The following WDR91 variants were observed in gnomAD, a reference collection of about 807,000 sequenced individuals.
The protein encoded by WDR91 is WD repeat-containing protein 91.
In WDR91, 52 loss-of-function variants were observed where a neutral mutation model predicts 88.4. The ratio of observed to expected loss-of-function variants is 0.59; its 90% confidence interval spans 0.47 to 0.74. The LOEUF is 0.74. Ranked by LOEUF, WDR91 falls within the 30% of genes least tolerant of loss-of-function variation. WDR91 has a pLI of 0.00. For missense variants in WDR91, 824 were observed against 954.5 expected, an observed-to-expected ratio of 0.86 and a Z score of 1.80; for synonymous variants, 362 against 389.5, an observed-to-expected ratio of 0.93 and a Z score of 0.83.
chr7:135,198,224 C>A, intron 6 of WDR91, 73 bp from the exon 7 acceptor site: 1 of 1,528,898 alleles, frequency 6.5e-7, no homozygotes, highest in South Asian at 1.2e-5. Flanking sequence ...CAGGAGTGGT[C>A]AGCCCTGGGC....
intron 1 of WDR91, among the ~76,000 whole-genome samples, chr7:135,210,543 T>C (rs916538181): frequency 6.6e-6 from 1 of 152,082 alleles, no homozygotes; most frequent in African/African-American, 2.4e-5. Context: ...CTGCTCAGAG[T>C]GTCAGCCAAG....
intron 5 of WDR91, among the ~76,000 whole-genome samples, chr7:135,205,149 C>T (rs1831718011): frequency 6.6e-6 from 1 of 152,142 alleles, no homozygotes; most frequent in South Asian, 2.1e-4. Context: ...TCTGCTTTAA[C>T]TGGCTGTTTC....
At chr7:135,193,131 G>C in intron 11 of WDR91, 100 bp downstream of exon 11, 2 of 1,490,688 alleles carry the variant, frequency 1.3e-6, no homozygotes, top group Non-Finnish European at 1.8e-6. Flanking sequence ...TTAAAAATCT[G>C]AGGAGACCAA....
At chr7:135,188,196 T>C (rs1831024889) in intron 13 of WDR91, among the ~76,000 whole-genome samples, 1 of 152,130 alleles carries the variant, frequency 6.6e-6, no homozygotes, top group Non-Finnish European at 1.5e-5. Context: ...CAGATACATC[T>C]ATGGTAAGAT....
At chr7:135,203,225 C>A (rs924507306) in intron 6 of WDR91, among the ~76,000 whole-genome samples, 8 of 152,210 alleles carry the variant, frequency 5.3e-5, no homozygotes, top group Admixed American at 2.0e-4. Context: ...CAATACTCAG[C>A]CCAAGTGCTG....
At position 135,207,166 on chromosome 7, in the gene WDR91, T is replaced by C; in HGVS notation, c.548A>G (p.Gln183Arg). ...TTCTTCTTGAACCTGGTTAGTCCTC[T>C]GACACTCCGCATCAAAGTTCAGGAT... ...PVILNFDAEC[Q>R]RTNQVQEENE... is the part of the protein sequence containing the mutation. The change falls in exon 4 of 15, where the codon CAG becomes CGG. Residue 183 changes from glutamine to arginine, a missense_variant. Physicochemically the swap from Gln to Arg is conservative, Grantham distance 43. Coordinates refer to ENST00000354475, the MANE Select transcript of WDR91 (RefSeq NM_014149.4). The C allele has an allele frequency of 2.5e-6, 4 of 1,608,376 alleles. No individual in the cohort carries two copies. Among genetic ancestry groups the C allele is most frequent in the Non-Finnish European group, 3.4e-6 (4 of 1,176,006 alleles).
At chr7:135,195,755 T>A (rs112951648) in intron 8 of WDR91, among the ~76,000 whole-genome samples, 11 of 152,272 alleles carry the variant, frequency 7.2e-5, no homozygotes, top group African/African-American at 2.6e-4. Flanking sequence ...AAGACCAGCC[T>A]GGCCAACATG....
chr7:135,193,636 A>G lies in WDR91; in HGVS notation c.1432T>C (p.Tyr478His). 1.9e-6 allele frequency: 3 copies of G among 1,614,166 alleles called. No homozygotes were observed. The highest frequency in any genetic ancestry group is 2.5e-6 in the Non-Finnish European group (3 of 1,180,020). ...AGATTCTTCTTGGCTTCCGTGTCAT[A>G]GAGACGCACTGTTCCCACACCACTG... is the stretch of plus-strand genomic sequence containing the variant. ...LGSGVGTVRL[Y>H]DTEAKKNLCE... Residue 478 changes from tyrosine (Y) to histidine (H), a missense_variant, in exon 10 of 15, where the codon TAT becomes CAT. Coordinates refer to ENST00000354475, the MANE Select transcript of WDR91 (RefSeq NM_014149.4).
chr7:135,188,893 A>G (rs567754122), intron 12 of WDR91, among the ~76,000 whole-genome samples: 92 of 152,352 alleles, frequency 6.0e-4, no homozygotes, highest in African/African-American at 2.2e-3. Context: ...GCCTTGCCCC[A>G]GCCCAGGCTC....
Position 135,205,965 on chromosome 7 carries a change from A to T in WDR91, c.688T>A (p.Tyr230Asn). The change falls in exon 5 of 15, where the codon TAT becomes AAT. Residue 230 changes from tyrosine to asparagine, a missense_variant. Transcript: ENST00000354475. ...CCCAGGCGGTCCATGTTGGAGACAT[A>T]AGGAGGCAATTTGTGTTGGACCAAG... is the stretch of plus-strand genomic sequence containing the variant. ...EALVQHKLPP[Y>N]VSNMDRLGDS... 1.2e-6 allele frequency: 2 copies of T among 1,614,094 alleles called. No homozygotes were observed. Among genetic ancestry groups the T allele is most frequent in the Non-Finnish European group, 1.7e-6 (2 of 1,180,036 alleles).
intron 11 of WDR91, 91 bp from the exon 12 acceptor site, chr7:135,189,543 G>T: frequency 9.9e-7 from 1 of 1,008,756 alleles, no homozygotes; most frequent in Non-Finnish European, 1.5e-6. Context: ...CCCAGACTGG[G>T]TTTTCCACCA....
Position 135,194,967 on chromosome 7 carries a change from C to T in WDR91, c.1362G>A (p.Leu454=). 1 of 1,614,190 alleles carries T rather than the reference C, an allele frequency of 6.2e-7. No homozygotes were observed. The change falls in exon 9 of 15, where the codon CTG becomes CTA. Residue 454 remains leucine (L), a synonymous_variant. Transcript: ENST00000354475. ...CCCGTTTGGTGGCCCATTCCAAAGACAGCAGCGGTGATTTGGAAATGGAGG... is the reference window on the plus strand; with the variant it reads ...CCCGTTTGGTGGCCCATTCCAAAGATAGCAGCGGTGATTTGGAAATGGAGG... ...KASSISKSPL[L]SLEWATKRDR...
chr7:135,196,194 C>T lies in WDR91; in HGVS notation c.1194G>A (p.Val398=). The T allele has an allele frequency of 6.2e-7, 1 of 1,604,352 alleles. No individual in the cohort carries two copies. Among genetic ancestry groups the T allele is most frequent in the Non-Finnish European group, 8.5e-7 (1 of 1,174,844 alleles). The change falls in exon 8 of 15, where the codon GTG becomes GTA. Residue 398 remains valine, a synonymous_variant. Transcript: ENST00000354475. The surrounding 1 kb of genome is among the most constrained non-coding windows in gnomAD (Gnocchi z 4.2). The stretch of plus-strand genomic sequence containing the variant: ...GTTCCCCGTACTCCTCCTGTCCCAG[C>T]ACAATAAAGGGCTGCTCGGGGCGGA... ...GGVRPEQPFI[V]LGQEEYGEHH... is the part of the protein sequence containing the mutation.
Position 135,186,117 on chromosome 7 carries a change from T to A in WDR91, c.*34A>T, listed in dbSNP as rs969272763. ...TATCTCCTCCCCCCACCGCAGATAA[T>A]ACTGCTTCCTCGGGTGGCCCTTGGG... On this transcript the variant is annotated 3_prime_UTR_variant, in exon 15 of 15. Transcript: ENST00000354475. 6.4e-7 allele frequency: 1 copy of A among 1,566,470 alleles called. No homozygotes were observed. The highest frequency in any genetic ancestry group is 1.4e-5 in the African/African-American group (1 of 72,044).
chr7:135,211,355 C>A, intron 1 of WDR91, 25 bp downstream of exon 1: 2 of 1,597,392 alleles, frequency 1.3e-6, no homozygotes, highest in Non-Finnish European at 1.7e-6. Flanking sequence ...CGCCTCTGCC[C>A]GCGCCGCTCC....
Position 135,207,187 on chromosome 7 carries a change from A to G in WDR91, c.527T>C (p.Leu176Pro). 1 of 1,605,708 alleles carries G rather than the reference A, an allele frequency of 6.2e-7. No individual in the cohort carries two copies. The highest frequency in any genetic ancestry group is 8.5e-7 in the Non-Finnish European group (1 of 1,174,118). The change falls in exon 4 of 15, where the codon CTG (leucine) becomes CCG (proline). Residue 176 changes from leucine to proline, a missense_variant. Physicochemically the swap from Leu to Pro is moderately conservative, Grantham distance 98. Transcript: ENST00000354475. ...CCTCTGACACTCCGCATCAAAGTTC[A>G]GGATCACAGGGACTGGTGCACGAAG... ...LFQCMPVPVI[L>P]NFDAECQRTN...
chr7:135,208,568 G>A (rs779661546), intron 3 of WDR91, among the ~76,000 whole-genome samples: 4 of 152,152 alleles, frequency 2.6e-5, no homozygotes, highest in African/African-American at 7.2e-5. Flanking sequence ...CTGCCCACAC[G>A]TCAGCTAATA....
Position 135,185,357 on chromosome 7 carries a change from A to G in WDR91, c.*794T>C, listed in dbSNP as rs1830897625. 1 of 152,364 alleles carries G rather than the reference A, an allele frequency of 6.6e-6. No individual in the cohort carries two copies. Among genetic ancestry groups the G allele is most frequent in the Admixed American group, 6.5e-5 (1 of 15,308 alleles). The allele number at this position is 152,364 out of a possible 1,614,324, so 9.4% of individuals were successfully genotyped here. ...GACATGAGACCTACCAAGATACCTC[A>G]TTATGTATATATGCAAATATTCCAA... On this transcript the variant is annotated 3_prime_UTR_variant, in exon 15 of 15. Transcript: ENST00000354475.
chr7:135,205,756 T>C (rs557137070), intron 5 of WDR91, among the ~76,000 whole-genome samples, 172 bp downstream of exon 5: 2 of 152,204 alleles, frequency 1.3e-5, no homozygotes, highest in East Asian at 3.9e-4. Context: ...CGAGACTCCA[T>C]CTCTAAAAAT....
Sources: gnomAD v4.1 joint callset for allele counts (sites outside exome capture counted in the v4.1 genomes callset) on GRCh38, gnomAD v4.1.1 for gene constraint, Gnocchi (gnomAD v3.1) non-coding constraint, MANE v1.5 for transcripts, NCBI Gene and HGNC (gene_info 2026-07-23, HGNC 2026-07-21) for gene names.